Variants in GNG7 observed in about 807,000 individuals in gnomAD.
The protein encoded by GNG7 is G protein subunit gamma 7.
Under a neutral mutation model 4.0 loss-of-function variants are expected in GNG7, and 1 was observed. That is an observed-to-expected ratio of 0.25 (90% CI 0.09 to 1.18). The LOEUF is 1.18. GNG7 is among the 50% of genes most tolerant of loss of function. The pLI, the probability that GNG7 is intolerant of heterozygous loss-of-function variation, is 0.50. For synonymous variants in GNG7, 34 were observed against 36.9 expected (o/e 0.92, Z 0.29); for missense variants, 86 against 91.9 (o/e 0.94, Z 0.26).
chr19:2,512,797 T>C lies in GNG7; in HGVS notation c.*2225A>G, dbSNP rs7248417. On this transcript the variant is annotated 3_prime_UTR_variant, in exon 5 of 5. Transcript: ENST00000382159. The surrounding 1 kb of genome is among the most constrained non-coding windows in gnomAD (Gnocchi z 4.7). Reference sequence around the variant, plus strand: ...TTTGTTCCCAGTTACCAAGATGGCTTGTTGGAAAGGGTGGAGGCAGGCGGG... The same window carrying C: ...TTTGTTCCCAGTTACCAAGATGGCTCGTTGGAAAGGGTGGAGGCAGGCGGG... 495,909 of 611,092 alleles carry C rather than the reference T, an allele frequency of 0.81. 202,461 individuals are homozygous for C. The highest frequency in any genetic ancestry group is 1 in the East Asian group (7,152 of 7,158). 37.9% of individuals were successfully genotyped at this position (611,092 alleles called of 1,614,324 possible).
intron 2 of GNG7, among the ~76,000 whole-genome samples, chr19:2,612,367 G>A (rs1274081955): frequency 6.6e-6 from 1 of 152,034 alleles, no homozygotes; most frequent in Non-Finnish European, 1.5e-5. Flanking sequence ...GTGCCCCCTG[G>A]GGGGCAGCAT....
chr19:2,537,654 C>A (rs780081546), intron 3 of GNG7, among the ~76,000 whole-genome samples: 1 of 151,632 alleles, frequency 6.6e-6, no homozygotes, highest in Admixed American at 6.6e-5. Flanking sequence ...AAGCTGGAGG[C>A]GGGAAACTGG....
intron 1 of GNG7, among the ~76,000 whole-genome samples, chr19:2,686,700 G>A (rs914934201): frequency 1.3e-5 from 2 of 152,052 alleles, no homozygotes; most frequent in Admixed American, 1.3e-4. Context: ...ATCCCAAGGA[G>A]CGGAGCCTTT....
chr19:2,689,771 C>A (rs919967884), intron 1 of GNG7, among the ~76,000 whole-genome samples: 3 of 151,978 alleles, frequency 2.0e-5, no homozygotes, highest in Non-Finnish European at 4.4e-5. Flanking sequence ...ACCACTAACT[C>A]GTGAAACCTC....
Position 2,683,133 on chromosome 19 carries a change from G to A in GNG7, c.-135+19513C>T, listed in dbSNP as rs149451825. Among the ~76,000 whole-genome samples, 508 of 152,154 alleles carry A rather than the reference G, an allele frequency of 3.3e-3. 4 individuals are homozygous for A. Among genetic ancestry groups the A allele is most frequent in the African/African-American group, 0.011 (477 of 41,514 alleles). On this transcript the variant is annotated intron_variant, in intron 1 of 4. Coordinates refer to ENST00000382159, the MANE Select transcript of GNG7 (RefSeq NM_052847.3). ...GCATGCCTGTAATCCCAGCTACTCGGGACGCTGAGGCACGAGAATCGCTTG... is the reference window on the plus strand; with the variant it reads ...GCATGCCTGTAATCCCAGCTACTCGAGACGCTGAGGCACGAGAATCGCTTG...
At chr19:2,572,764 A>G (rs895172944) in intron 2 of GNG7, among the ~76,000 whole-genome samples, 4 of 151,080 alleles carry the variant, frequency 2.6e-5, no homozygotes, top group African/African-American at 9.7e-5. Flanking sequence ...CGGCTAACTT[A>G]AAATTCTTTT....
rs996858645 is a variant in GNG7, at chr19:2,546,718, C to T, written c.-38+8431G>A. On this transcript the variant is annotated intron_variant, in intron 3 of 4. Transcript: ENST00000382159. The surrounding 1 kb of genome is among the most constrained non-coding windows in gnomAD (Gnocchi z 6.3). ...GAGGCCGCGACGACAGAGGGTGACG[C>T]GCCGCCAGTGTGGGTTTGGTCGCCG... Among the ~76,000 whole-genome samples the T allele has an allele frequency of 5.3e-5, 8 of 152,184 alleles. No homozygotes were observed. Among genetic ancestry groups the T allele is most frequent in the Admixed American group, 2.6e-4 (4 of 15,276 alleles).
rs1981563883 is a variant in GNG7, at chr19:2,611,505, C to T, written c.-78+34719G>A. 6.6e-6 allele frequency: 1 copy of T among 152,106 alleles called. No homozygotes were observed. The highest frequency in any genetic ancestry group is 2.4e-5 in the African/African-American group (1 of 41,410). The allele number at this position is 152,106 out of a possible 1,614,324, so 9.4% of individuals were successfully genotyped here. ...CAGGTGGGCAAGACGGTGCATAGCC[C>T]GAATCTATTTAATGATTTATTTGAT... On this transcript the variant is annotated intron_variant, in intron 2 of 4. Transcript: ENST00000382159. This position sits in a 1 kb window ranked among gnomAD's most constrained non-coding sequence, Gnocchi z 6.0.
intron 1 of GNG7, among the ~76,000 whole-genome samples, chr19:2,672,029 T>G (rs1368085229): frequency 8.2e-5 from 9 of 109,172 alleles, no homozygotes; most frequent in Non-Finnish European, 1.4e-4. Context: ...CCAGCCTGGG[T>G]GACAGAGTGA....
chr19:2,568,192 C>A (rs554651693), intron 2 of GNG7, among the ~76,000 whole-genome samples: 178 of 149,466 alleles, frequency 1.2e-3, no homozygotes, highest in African/African-American at 4.3e-3. Context: ...CATGCACATA[C>A]ACACACATAT....
At position 2,634,192 on chromosome 19, in the gene GNG7, T is replaced by A. The variant is rs1216020612; in HGVS notation, c.-78+12032A>T. Among the ~76,000 whole-genome samples, 2 of 152,002 alleles carry A rather than the reference T, an allele frequency of 1.3e-5. No individual in the cohort carries two copies. Among genetic ancestry groups the A allele is most frequent in the African/African-American group, 4.8e-5 (2 of 41,376 alleles). Reference sequence around the variant, plus strand: ...AGCAGGAAAATAACTCGAATTTTTTTCCCCAAAATAATGAACCCAGAGTTT... The same window carrying A: ...AGCAGGAAAATAACTCGAATTTTTTACCCCAAAATAATGAACCCAGAGTTT... On this transcript the variant is annotated intron_variant, in intron 2 of 4. Coordinates refer to ENST00000382159, the MANE Select transcript of GNG7 (RefSeq NM_052847.3). This position sits in a 1 kb window ranked among gnomAD's most constrained non-coding sequence, Gnocchi z 5.3.
At chr19:2,544,986 A>C (rs1283335225) in intron 3 of GNG7, among the ~76,000 whole-genome samples, 2 of 152,182 alleles carry the variant, frequency 1.3e-5, no homozygotes, top group East Asian at 3.9e-4. Context: ...GGTGTGAACC[A>C]GGGGGACCCC....
At chr19:2,524,920 G>A (rs901215973) in intron 3 of GNG7, among the ~76,000 whole-genome samples, 2 of 152,186 alleles carry the variant, frequency 1.3e-5, no homozygotes, top group Non-Finnish European at 2.9e-5. Context: ...GTGTGTGTGC[G>A]CACGGGAGTG....
chr19:2,691,186 A>T (rs1913127506), intron 1 of GNG7, among the ~76,000 whole-genome samples: 1 of 152,188 alleles, frequency 6.6e-6, no homozygotes, highest in Non-Finnish European at 1.5e-5. Context: ...AAAAAAATAA[A>T]GTCTATTTAA....
chr19:2,511,853 G>C lies in GNG7; in HGVS notation c.*3169C>G, dbSNP rs997345020. On this transcript the variant is annotated 3_prime_UTR_variant, in exon 5 of 5. Coordinates refer to ENST00000382159, the MANE Select transcript of GNG7 (RefSeq NM_052847.3). The surrounding 1 kb of genome is among the most constrained non-coding windows in gnomAD (Gnocchi z 6.3). ...CTTGGCCTGGGGTTACCCCTGGGGA[G>C]GGTGGGAGAGGGGTGAGGGTTCTGG... is the stretch of plus-strand genomic sequence containing the variant. 9.1e-6 allele frequency: 9 copies of C among 986,088 alleles called. No homozygotes were observed. Among genetic ancestry groups the C allele is most frequent in the African/African-American group, 1.7e-5 (1 of 57,242 alleles). 61.1% of individuals were successfully genotyped at this position (986,088 alleles called of 1,614,324 possible). A position where few individuals can be genotyped will look rare whatever the true frequency, so the allele number is the denominator to read the frequency against.
At chr19:2,540,088 C>CCT in intron 3 of GNG7, among the ~76,000 whole-genome samples, 1 of 130,778 alleles carries the variant, frequency 7.6e-6, no homozygotes, top group Non-Finnish European at 1.6e-5. Context: ...CTCTCTCTCT[C>CCT]TGTTTCTTTC....
intron 3 of GNG7, among the ~76,000 whole-genome samples, chr19:2,547,703 C>G (rs1168607701): frequency 6.6e-6 from 1 of 152,216 alleles, no homozygotes; most frequent in Non-Finnish European, 1.5e-5. Context: ...AAAGATGCCA[C>G]TTGGATGGAA....
chr19:2,561,724 A>T (rs1335430912), intron 2 of GNG7, among the ~76,000 whole-genome samples: 2 of 151,198 alleles, frequency 1.3e-5, no homozygotes, highest in African/African-American at 4.9e-5. Flanking sequence ...TAAAAAAAAA[A>T]AAAAAAATTA....
intron 2 of GNG7, among the ~76,000 whole-genome samples, chr19:2,570,511 C>T (rs1236106864): frequency 1.3e-5 from 2 of 152,084 alleles, no homozygotes; most frequent in Non-Finnish European, 2.9e-5. Context: ...ATCTGCAAAC[C>T]TCAGCTCTTC....
Sources: gnomAD v4.1 joint callset for allele counts (sites outside exome capture counted in the v4.1 genomes callset) on GRCh38, gnomAD v4.1.1 for gene constraint, Gnocchi (gnomAD v3.1) non-coding constraint, MANE v1.5 for transcripts, NCBI Gene and HGNC (gene_info 2026-07-23, HGNC 2026-07-21) for gene names.